CTDSP1: variants seen among roughly 807,000 people sequenced by gnomAD.
CTDSP1 encodes CTD small phosphatase 1, also known as carboxy-terminal domain RNA polymerase II polypeptide A small phosphatase 1.
CTDSP1 carries 15 observed loss-of-function variants against 32.5 expected under a neutral mutation model. The ratio of observed to expected loss-of-function variants is 0.46; its 90% confidence interval spans 0.31 to 0.71. The LOEUF is 0.71. CTDSP1 is among the 30% of genes least tolerant of loss of function. The pLI is 0.05. For synonymous variants in CTDSP1, 185 were observed against 145.4 expected (o/e 1.27, Z -1.96); for missense variants, 294 against 351.1 (o/e 0.84, Z 1.30).
chr2:218,399,980 T>TGCCC lies in CTDSP1; in HGVS notation c.-111_-110insGCCC. On this transcript the variant is annotated 5_prime_UTR_variant, in exon 1 of 7. The change creates a new upstream start codon in the 5' untranslated region. Coordinates refer to ENST00000273062, the MANE Select transcript of CTDSP1 (RefSeq NM_021198.3). ...CCCTCCCCTCCGGAGCTCGCGGGGA[T>TGCCC]CCCTCCCTCCCACCCCTCCCCTCCC... is the stretch of plus-strand genomic sequence containing the variant. 1 of 946,508 alleles carries TGCCC rather than the reference T, an allele frequency of 1.1e-6. No individual in the cohort carries two copies. Among genetic ancestry groups the TGCCC allele is most frequent in the Non-Finnish European group, 1.3e-6 (1 of 770,562 alleles). The allele number at this position is 946,508 out of a possible 1,614,324, so 58.6% of individuals were successfully genotyped here. A position where few individuals can be genotyped will look rare whatever the true frequency, so the allele number is the denominator to read the frequency against.
chr2:218,400,506 G>A (rs1407705225), intron 1 of CTDSP1: 3 of 398,460 alleles, frequency 7.5e-6, no homozygotes, highest in African/African-American at 4.2e-5. Flanking sequence ...GCTGAGGAGG[G>A]CGCCTATGGG....
chr2:218,404,207 T>G, intron 6 of CTDSP1, 90 bp from the exon 7 acceptor site: 6 of 1,491,482 alleles, frequency 4.0e-6, no homozygotes, highest in Non-Finnish European at 5.5e-6. Context: ...AGAAACTGCA[T>G]GATCTGAGTA....
chr2:218,397,090 C>T (rs935454801), upstream of CTDSP1, among the ~76,000 whole-genome samples: 2 of 152,118 alleles, frequency 1.3e-5, no homozygotes, highest in African/African-American at 4.8e-5. Flanking sequence ...CGTGTGTGCA[C>T]ATCTGCCAAG....
chr2:218,403,024 C>T lies in CTDSP1; in HGVS notation c.379-11C>T. ...ACTGGCCCGCAGCCCCCTCACTGGCCCGCCCCCCAGGTCTACGTGTTGAAG... is the reference window on the plus strand; with the variant it reads ...ACTGGCCCGCAGCCCCCTCACTGGCTCGCCCCCCAGGTCTACGTGTTGAAG... On this transcript the variant is annotated splice_polypyrimidine_tract_variant and intron_variant, in intron 4 of 6. Coordinates refer to ENST00000273062, the MANE Select transcript of CTDSP1 (RefSeq NM_021198.3). The T allele has an allele frequency of 6.2e-7, 1 of 1,612,776 alleles. No individual in the cohort carries two copies. The highest frequency in any genetic ancestry group is 1.1e-5 in the South Asian group (1 of 91,030).
Position 218,401,665 on chromosome 2 carries a change from C to G in CTDSP1, c.169C>G (p.His57Asp), listed in dbSNP as rs141917217. 2.2e-3 allele frequency: 3,548 copies of G among 1,607,814 alleles called. 5 individuals carry two copies. The highest frequency in any genetic ancestry group is 2.2e-3 in the Non-Finnish European group (2,643 of 1,176,856). The change falls in exon 2 of 7, where the codon CAC becomes GAC. Residue 57 changes from histidine to aspartate, a missense_variant. This residue lies in a region of CTDSP1 where 148 missense variants were observed against 113.3 expected (regional missense o/e 1.31). Coordinates refer to ENST00000273062, the MANE Select transcript of CTDSP1 (RefSeq NM_021198.3). ...GGATGATGGGGAGGCCCTGCCTGCT[C>G]ACAGCGGGGCGCCCCTGCTTGTGGA... ...CRDDGEALPA[H>D]SGAPLLVEEN...
In CTDSP1 at chr2:218,405,377, C is replaced by T. The variant is rs1697361400; in HGVS notation, c.*952C>T. 1 of 152,612 alleles carries T rather than the reference C, an allele frequency of 6.6e-6. No individual in the cohort carries two copies. Among genetic ancestry groups the T allele is most frequent in the Non-Finnish European group, 1.5e-5 (1 of 68,128 alleles). The allele number at this position is 152,612 out of a possible 1,614,324, so 9.5% of individuals were successfully genotyped here. On this transcript the variant is annotated 3_prime_UTR_variant, in exon 7 of 7. Transcript: ENST00000273062. ...GGCCCTGTCCTCTGTCCCTCACACC[C>T]CTTTGCTCCGTTCATTCATTCAAAA...
intron 5 of CTDSP1, 41 bp downstream of exon 5, chr2:218,403,168 C>A: frequency 6.2e-7 from 1 of 1,613,258 alleles, no homozygotes; most frequent in Non-Finnish European, 8.5e-7. Flanking sequence ...TGCCCTCCTA[C>A]CTACCTCCCG....
At chr2:218,403,513 G>GGGGTGGGTGCCC (rs1697263697) in intron 6 of CTDSP1, 96 bp downstream of exon 6, 1 of 1,191,538 alleles carries the variant, frequency 8.4e-7, no homozygotes, top group African/African-American at 1.5e-5. Context: ...CCCCAGTTGG[G>GGGGTGGGTGCCC]GGGTGGGTGC....
rs1365089249 is a variant in CTDSP1 at position 218,405,784 on chromosome 2, GA to G, written c.*1360del. On this transcript the variant is annotated 3_prime_UTR_variant, in exon 7 of 7. Transcript: ENST00000273062. ...GGACCCACATACCAGTGCCAAGGGG[GA>G]TGTCAAGTGGTGATGTCGTTGTGCT... 1 of 152,934 alleles carries G rather than the reference GA, an allele frequency of 6.5e-6. No homozygotes were observed. Among genetic ancestry groups the G allele is most frequent in the Admixed American group, 6.5e-5 (1 of 15,288 alleles). 9.5% of individuals were successfully genotyped at this position (152,934 alleles called of 1,614,324 possible).
intron 1 of CTDSP1, 83 bp downstream of exon 1, chr2:218,400,240 C>G (rs186986949): frequency 2.3e-6 from 3 of 1,318,018 alleles, no homozygotes; most frequent in Non-Finnish European, 3.1e-6. Flanking sequence ...GGGGAGCCGC[C>G]GCCGCCGCCC....
chr2:218,402,888 A>G lies in CTDSP1; in HGVS notation c.379-147A>G, dbSNP rs1384978776. The stretch of plus-strand genomic sequence containing the variant: ...GGGGGGTGGGTACAGTTTCCCCAGC[A>G]GTGGTCAGGGTAGCTGGCCAAGCGG... On this transcript the variant is annotated intron_variant, in intron 4 of 6. Transcript: ENST00000273062. The G allele has an allele frequency of 1.2e-5, 8 of 675,900 alleles. No individual in the cohort carries two copies. In the African/African-American group the frequency reaches 1.2e-4, roughly 10 times the overall value. The allele number at this position is 675,900 out of a possible 1,614,324, so 41.9% of individuals were successfully genotyped here.
chr2:218,402,433 G>A (rs992968925), intron 4 of CTDSP1, 28 bp downstream of exon 4: 1 of 1,596,040 alleles, frequency 6.3e-7, no homozygotes. Context: ...GCAGTGGTGG[G>A]CTTGGCATCT....
At chr2:218,403,734 T>G (rs1359908911) in intron 6 of CTDSP1, 2 of 294,610 alleles carry the variant, frequency 6.8e-6, no homozygotes, top group East Asian at 1.2e-4. Context: ...TTTAGTGGGT[T>G]CTGATTGGGA....
rs941341241 is a variant in CTDSP1 at position 218,400,031 on chromosome 2, C to G, written c.-60C>G. On this transcript the variant is annotated 5_prime_UTR_variant, in exon 1 of 7. Coordinates refer to ENST00000273062, the MANE Select transcript of CTDSP1 (RefSeq NM_021198.3). ...CCCCGCGCCCCGATTCCGGCCCCAG[C>G]CGGGGGGGAGGCCGGGCGCCCGGGC... 1 of 1,339,996 alleles carries G rather than the reference C, an allele frequency of 7.5e-7. No individual in the cohort carries two copies. The highest frequency in any genetic ancestry group is 1.6e-5 in the African/African-American group (1 of 64,238). The allele number at this position is 1,339,996 out of a possible 1,614,324, so 83.0% of individuals were successfully genotyped here.
chr2:218,398,469 C>T (rs1033168285), upstream of CTDSP1: 153 of 1,528,456 alleles, frequency 1.0e-4, no homozygotes, highest in Non-Finnish European at 1.3e-4. Context: ...GGATCCAGCC[C>T]GGGGACCGGG....
intron 1 of CTDSP1, 55 bp from the exon 2 acceptor site, chr2:218,401,509 A>C: frequency 1.3e-6 from 2 of 1,597,942 alleles, no homozygotes; most frequent in Non-Finnish European, 8.5e-7. Flanking sequence ...GCACACATGC[A>C]GGATTCTGCA....
chr2:218,399,732 C>T (rs1427817479), upstream of CTDSP1: 5 of 1,005,884 alleles, frequency 5.0e-6, no homozygotes, highest in East Asian at 1.9e-4. Context: ...CGGCAGGAAC[C>T]CGGCCCGGCC....
chr2:218,403,451 G>C (rs1467521490), intron 6 of CTDSP1, 34 bp downstream of exon 6: 1 of 1,538,558 alleles, frequency 6.5e-7, no homozygotes, highest in Non-Finnish European at 8.8e-7. Flanking sequence ...TGGGACAGGA[G>C]CTGAGACCCA....
intron 1 of CTDSP1, chr2:218,400,700 GCA>G: frequency 2.2e-6 from 1 of 455,680 alleles, no homozygotes. Context: ...CCCCTCGGAG[GCA>G]CAGAGAGGAC....
Sources: allele counts gnomAD v4.1 joint callset (sites outside exome capture counted in the v4.1 genomes callset), GRCh38; gene constraint gnomAD v4.1.1; regional missense constraint gnomAD v4.1.1; transcripts MANE v1.5; gene names NCBI Gene and HGNC (gene_info 2026-07-23, HGNC 2026-07-21).